Variants in WWP2 observed in about 807,000 individuals in gnomAD.
WWP2 encodes the protein NEDD4-like E3 ubiquitin-protein ligase WWP2.
WWP2 carries 57 observed loss-of-function variants against 121.0 expected under a neutral mutation model. The observed-to-expected ratio is 0.47, with a 90% CI of 0.38 to 0.59. WWP2 has a LOEUF of 0.59. Ranked by LOEUF, WWP2 falls within the 20% of genes least tolerant of loss-of-function variation. The pLI is 0.00. For missense variants in WWP2, 962 were observed against 1,158.9 expected (o/e 0.83, Z 2.47); for synonymous variants, 449 against 441.3 (o/e 1.02, Z -0.22).
chr16:69,807,127 C>A (rs2056295244), intron 4 of WWP2, among the ~76,000 whole-genome samples: 1 of 151,782 alleles, frequency 6.6e-6, no homozygotes, highest in Non-Finnish European at 1.5e-5. Context: ...CTCCTGGTTT[C>A]AAGTGATTCT....
rs544959699 is a variant in WWP2, at chr16:69,909,705, T to C, written c.1004+855T>C. 8.1e-6 allele frequency: 8 copies of C among 984,908 alleles called. No individual in the cohort carries two copies. The South Asian group carries it at 2.8e-4, about 35-fold the overall frequency. The allele number at this position is 984,908 out of a possible 1,614,324, so 61.0% of individuals were successfully genotyped here. On this transcript the variant is annotated intron_variant, in intron 9 of 23. Transcript: ENST00000359154. ...AAAGTTAAACATGGACTTCTCAAAT[T>C]AGAAAAAAACAAACAACAAAAAAAC...
intron 18 of WWP2, 81 bp from the exon 19 acceptor site, chr16:69,936,231 T>G: frequency 6.3e-7 from 1 of 1,580,286 alleles, no homozygotes; most frequent in South Asian, 1.1e-5. Context: ...GGGCCCTTGG[T>G]GTCCCACGGG....
chr16:69,817,881 C>T (rs764447216), intron 4 of WWP2, among the ~76,000 whole-genome samples: 1 of 152,026 alleles, frequency 6.6e-6, no homozygotes, highest in Non-Finnish European at 1.5e-5. Flanking sequence ...CAGGTGTGAG[C>T]CATTGTGCCC....
In WWP2 at chr16:69,935,723, CTG is replaced by C. The variant is rs2058787278; in HGVS notation, c.1843-129_1843-128del. On this transcript the variant is annotated intron_variant, in intron 17 of 23. Coordinates refer to ENST00000359154, the MANE Select transcript of WWP2 (RefSeq NM_001270454.2). This position sits in a 1 kb window ranked among gnomAD's most constrained non-coding sequence, Gnocchi z 5.2. ...GGCCCTCCCGCTGCGTCCGAGGCAG[CTG>C]CTGCTGTAGTTCTGTCAGGGAAGGA... 1 of 1,372,686 alleles carries C rather than the reference CTG, an allele frequency of 7.3e-7. No individual in the cohort carries two copies. The highest frequency in any genetic ancestry group is 2.3e-5 in the East Asian group (1 of 43,280). 85.0% of individuals were successfully genotyped at this position (1,372,686 alleles called of 1,614,324 possible).
intron 11 of WWP2, chr16:69,926,174 T>A (rs563426792): frequency 6.6e-6 from 1 of 152,284 alleles, no homozygotes; most frequent in South Asian, 2.1e-4. Context: ...TTAGGAGAGA[T>A]GATAGGCTTC....
At chr16:69,796,176 C>T (rs1045121632) in intron 2 of WWP2, among the ~76,000 whole-genome samples, 2 of 151,900 alleles carry the variant, frequency 1.3e-5, no homozygotes, top group Admixed American at 1.3e-4. Flanking sequence ...GGAAATACAC[C>T]CAGAAATATT....
chr16:69,799,483 CTT>C lies in WWP2; in HGVS notation c.340+190_340+191del. ...TGCCTCCACTACAGAGTTTAGCCCT[CTT>C]TGTCCAGGGCCTCTAGTAATGTGAT... is the stretch of plus-strand genomic sequence containing the variant. On this transcript the variant is annotated intron_variant, in intron 4 of 23. Transcript: ENST00000359154. This position sits in a 1 kb window ranked among gnomAD's most constrained non-coding sequence, Gnocchi z 4.5. The C allele has an allele frequency of 1.4e-6, 1 of 718,428 alleles. No homozygotes were observed. The highest frequency in any genetic ancestry group is 2.3e-5 in the South Asian group (1 of 44,018). The allele number at this position is 718,428 out of a possible 1,614,324, so 44.5% of individuals were successfully genotyped here. A position where few individuals can be genotyped will look rare whatever the true frequency, so the allele number is the denominator to read the frequency against.
At chr16:69,923,290 C>T (rs1336598517) in intron 10 of WWP2, among the ~76,000 whole-genome samples, 1 of 99,136 alleles carries the variant, frequency 1.0e-5, no homozygotes, top group Non-Finnish European at 1.8e-5. Flanking sequence ...CTCTTCTCCT[C>T]GCTTCTTATA....
intron 6 of WWP2, among the ~76,000 whole-genome samples, chr16:69,860,887 C>T (rs1405080716): frequency 6.6e-6 from 1 of 152,042 alleles, no homozygotes; most frequent in Non-Finnish European, 1.5e-5. Flanking sequence ...ACTGTAGTCC[C>T]CCATTCATTC....
intron 8 of WWP2, among the ~76,000 whole-genome samples, chr16:69,904,625 C>T (rs888097418): frequency 2.6e-5 from 4 of 152,174 alleles, no homozygotes; most frequent in African/African-American, 9.7e-5. Context: ...CCTGCCTTAG[C>T]CTCCCAAAGT....
chr16:69,767,638 C>G (rs923776394), intron 1 of WWP2, among the ~76,000 whole-genome samples: 9 of 152,260 alleles, frequency 5.9e-5, no homozygotes, highest in Non-Finnish European at 2.9e-5. Flanking sequence ...TGCAAAGAGG[C>G]AGGAGATGGA....
At chr16:69,900,354 G>A (rs2058183615) in intron 8 of WWP2, among the ~76,000 whole-genome samples, 1 of 152,170 alleles carries the variant, frequency 6.6e-6, no homozygotes, top group Admixed American at 6.5e-5. Context: ...GAGGCTGGGT[G>A]CAGTGGCTCA....
In WWP2 at chr16:69,940,862, G is replaced by A. The variant is rs2058871182; in HGVS notation, c.*922G>A. The stretch of plus-strand genomic sequence containing the variant: ...GTCCCCAAGCCTGGCAGAATGAGAG[G>A]GGTTGAGGTCCCGAGCGCCACTCCT... On this transcript the variant is annotated 3_prime_UTR_variant, in exon 24 of 24. Coordinates refer to ENST00000359154, the MANE Select transcript of WWP2 (RefSeq NM_001270454.2). 6.5e-6 allele frequency: 1 copy of A among 153,706 alleles called. No homozygotes were observed. The highest frequency in any genetic ancestry group is 2.4e-5 in the African/African-American group (1 of 41,444). 9.5% of individuals were successfully genotyped at this position (153,706 alleles called of 1,614,324 possible). A position where few individuals can be genotyped will look rare whatever the true frequency, so the allele number is the denominator to read the frequency against.
At chr16:69,838,076 G>T (rs1428406366) in intron 4 of WWP2, among the ~76,000 whole-genome samples, 2 of 151,964 alleles carry the variant, frequency 1.3e-5, no homozygotes, top group Non-Finnish European at 2.9e-5. Context: ...AAATTAAAAA[G>T]CAAAACAAAA....
intron 8 of WWP2, among the ~76,000 whole-genome samples, chr16:69,898,577 C>A (rs1332639547): frequency 6.6e-6 from 1 of 152,062 alleles, no homozygotes; most frequent in African/African-American, 2.4e-5. Flanking sequence ...TGAGATTGAA[C>A]CTCTTTTTAC....
intron 9 of WWP2, among the ~76,000 whole-genome samples, chr16:69,910,729 C>T (rs932744321): frequency 9.2e-5 from 14 of 152,142 alleles, no homozygotes; most frequent in Admixed American, 6.6e-5. Flanking sequence ...TCTTCTTAAC[C>T]TCTCTTGTCT....
At chr16:69,919,817 GT>G (rs2058532559) in intron 10 of WWP2, among the ~76,000 whole-genome samples, 1 of 146,862 alleles carries the variant, frequency 6.8e-6, no homozygotes, top group South Asian at 2.2e-4. Context: ...TTGAGACAAG[GT>G]CTCATTCTGT....
rs151023715 is a variant in WWP2 at position 69,911,927 on chromosome 16, G to A, written c.1004+3077G>A. ...AGGATGAGGAATCCACCAGGAAGCC[G>A]GCTGATGTGCACCATGGGGCTCTGG... is the stretch of plus-strand genomic sequence containing the variant. On this transcript the variant is annotated intron_variant, in intron 9 of 23. Transcript: ENST00000359154. Among the ~76,000 whole-genome samples, 118 of 152,240 alleles carry A rather than the reference G, an allele frequency of 7.8e-4. No homozygotes were observed. The East Asian group carries it at 0.019, about 24-fold the overall frequency.
In WWP2 at chr16:69,925,006, T is replaced by G; in HGVS notation, c.1180-424T>G. The G allele has an allele frequency of 1.0e-6, 1 of 993,308 alleles. No homozygotes were observed. Among genetic ancestry groups the G allele is most frequent in the Non-Finnish European group, 1.2e-6 (1 of 835,324 alleles). 61.5% of individuals were successfully genotyped at this position (993,308 alleles called of 1,614,324 possible). ...ATATTTTTTCCCCTCCTGCGTGTGG[T>G]TCTTGGAGAAAGTTGGAGGTGGTGG... On this transcript the variant is annotated intron_variant, in intron 10 of 23. Coordinates refer to ENST00000359154, the MANE Select transcript of WWP2 (RefSeq NM_001270454.2). This position sits in a 1 kb window ranked among gnomAD's most constrained non-coding sequence, Gnocchi z 4.0.
Sources: allele counts gnomAD v4.1 joint callset (sites outside exome capture counted in the v4.1 genomes callset), GRCh38; gene constraint gnomAD v4.1.1; non-coding constraint Gnocchi (gnomAD v3.1); transcripts MANE v1.5; gene names NCBI Gene and HGNC (gene_info 2026-07-23, HGNC 2026-07-21).